GPC3: variants seen among roughly 807,000 people sequenced by gnomAD.
The protein encoded by GPC3 is glypican-3.
In GPC3, 3 loss-of-function variants were observed where a neutral mutation model predicts 34.4. The ratio of observed to expected loss-of-function variants is 0.09; its 90% CI spans 0.04 to 0.23. The LOEUF (loss-of-function observed/expected upper bound fraction) is 0.23, where lower values mean the gene tolerates loss of function less well. Ranked by LOEUF, GPC3 falls within the 10% of genes least tolerant of loss-of-function variation. The probability of loss-of-function intolerance (pLI) is 1.00; values close to 1 mark genes in which losing one functional copy is unlikely to be tolerated. For missense variants in GPC3, 351 were observed against 445.6 expected (o/e 0.79, Z 1.91); for synonymous variants, 177 against 174.0 (o/e 1.02, Z -0.13).
In GPC3 at chrX:133,893,853, G is replaced by A. The variant is rs181918592; in HGVS notation, c.337+59197C>T. Among the ~76,000 whole-genome samples the A allele has an allele frequency of 2.7e-5, 3 of 111,227 alleles. No individual in the cohort carries two copies. The East Asian group carries it at 8.5e-4, about 31-fold the overall frequency. Reference sequence around the variant, plus strand: ...TTTTGTTTGTTTTTTGTTTTGTTTTGCTTTGTTTTGTTTTTTGAGACAGGA... The same window carrying A: ...TTTTGTTTGTTTTTTGTTTTGTTTTACTTTGTTTTGTTTTTTGAGACAGGA... On this transcript the variant is annotated intron_variant, in intron 2 of 7. Transcript: ENST00000370818.
intron 6 of GPC3, among the ~76,000 whole-genome samples, chrX:133,608,506 T>C (rs2070072863): frequency 8.9e-6 from 1 of 112,098 alleles, no homozygotes; most frequent in Admixed American, 9.5e-5. Flanking sequence ...GATCTGAACA[T>C]TTACTATTGT....
chrX:133,958,784 G>A (rs988134924), intron 1 of GPC3, among the ~76,000 whole-genome samples: 11 of 105,587 alleles, frequency 1.0e-4, no homozygotes, highest in Admixed American at 8.1e-4. Flanking sequence ...TACTCCGGAG[G>A]TTGAGGCACG....
intron 2 of GPC3, among the ~76,000 whole-genome samples, chrX:133,863,322 C>T (rs2075947475): frequency 8.9e-6 from 1 of 111,960 alleles, no homozygotes; most frequent in Non-Finnish European, 1.9e-5. Flanking sequence ...AAGAACGATG[C>T]CATCTTTCTC....
chrX:133,562,476 C>T (rs954880551), intron 7 of GPC3, among the ~76,000 whole-genome samples: 1 of 110,179 alleles, frequency 9.1e-6, no homozygotes, highest in African/African-American at 3.3e-5. Flanking sequence ...ACCAAAAGTA[C>T]AAAAATTAGC....
chrX:133,753,518 C>G lies in GPC3; in HGVS notation c.996G>C (p.Gln332His). The G allele has an allele frequency of 8.3e-7, 1 of 1,210,510 alleles. No individual in the cohort carries two copies. Among genetic ancestry groups the G allele is most frequent in the Non-Finnish European group, 1.1e-6 (1 of 894,317 alleles). The change falls in exon 3 of 8, where the codon CAG (glutamine) becomes CAC (histidine). Residue 332 changes from glutamine (Q) to histidine (H), a missense_variant. Physicochemically the swap from Gln to His is conservative, Grantham distance 24. Transcript: ENST00000370818. The stretch of plus-strand genomic sequence containing the variant: ...GCTTTCCTGCATTCTTCTGGACATA[C>G]TGGATAGAATCATGGATTGTTGAAA... ...GLFSTIHDSI[Q>H]YVQKNAGKLT...
intron 7 of GPC3, among the ~76,000 whole-genome samples, chrX:133,567,778 A>G (rs1391283586): frequency 8.9e-6 from 1 of 112,190 alleles, no homozygotes; most frequent in African/African-American, 3.2e-5. Context: ...ATAAAAACTA[A>G]GGCCCACTTA....
chrX:133,607,176 G>C (rs2070059488), intron 6 of GPC3, among the ~76,000 whole-genome samples: 1 of 110,851 alleles, frequency 9.0e-6, no homozygotes. Flanking sequence ...TGAGAGTCGA[G>C]AGAGATGTGG....
intron 3 of GPC3, among the ~76,000 whole-genome samples, chrX:133,729,161 G>C (rs1480961533): frequency 9.0e-6 from 1 of 110,948 alleles, no homozygotes; most frequent in Non-Finnish European, 1.9e-5. Flanking sequence ...CTTCAGGGAA[G>C]GCAGTATAAC....
chrX:133,578,397 A>G (rs888350902), intron 7 of GPC3, among the ~76,000 whole-genome samples: 11 of 112,023 alleles, frequency 9.8e-5, no homozygotes, highest in Non-Finnish European at 2.1e-4. Context: ...CATGCTTACA[A>G]CCTTTCTCTG....
chrX:133,744,133 C>CCACAAAAACACAA (rs2071589622), intron 3 of GPC3, among the ~76,000 whole-genome samples: 1 of 111,880 alleles, frequency 8.9e-6, no homozygotes, highest in South Asian at 3.7e-4. Context: ...ACACCAAAAG[C>CCACAAAAACACAA]AATGACAACA....
intron 1 of GPC3, among the ~76,000 whole-genome samples, chrX:133,954,509 A>G (rs2076407584): frequency 9.2e-6 from 1 of 108,643 alleles, no homozygotes; most frequent in Non-Finnish European, 1.9e-5. Flanking sequence ...ATTTTTAAAA[A>G]GTAAAGTAAG....
At chrX:133,852,003 G>A (rs5975431) in intron 2 of GPC3, among the ~76,000 whole-genome samples, 7,912 of 111,349 alleles carry the variant, frequency 0.071, 735 homozygotes, top group African/African-American at 0.24. Flanking sequence ...AAAAACCATC[G>A]CTCATTTATG....
intron 2 of GPC3, among the ~76,000 whole-genome samples, chrX:133,862,726 A>G (rs955403390): frequency 9.0e-6 from 1 of 111,168 alleles, no homozygotes; most frequent in Non-Finnish European, 1.9e-5. Flanking sequence ...AATACTGACT[A>G]CACTTATCAC....
chrX:133,757,811 C>T (rs770820277), intron 2 of GPC3, among the ~76,000 whole-genome samples: 1 of 111,101 alleles, frequency 9.0e-6, no homozygotes, highest in Non-Finnish European at 1.9e-5. Flanking sequence ...GGTACCTTAA[C>T]GGAAGGAAGA....
At chrX:133,674,236 AT>A (rs1191219037) in intron 5 of GPC3, among the ~76,000 whole-genome samples, 2 of 111,042 alleles carry the variant, frequency 1.8e-5, no homozygotes. Flanking sequence ...TCTAAAAAAA[AT>A]AAAAAAGAGC....
At chrX:133,628,580 C>T (rs773180660) in intron 6 of GPC3, among the ~76,000 whole-genome samples, 2 of 108,460 alleles carry the variant, frequency 1.8e-5, no homozygotes, top group South Asian at 4.1e-4. Flanking sequence ...CACTTGAACC[C>T]GGGAGGTGGA....
intron 2 of GPC3, among the ~76,000 whole-genome samples, chrX:133,812,928 C>A (rs2075672370): frequency 8.9e-6 from 1 of 112,280 alleles, no homozygotes; most frequent in South Asian, 3.7e-4. Context: ...GTCAGTGCTA[C>A]CTGTTTAAGG....
intron 2 of GPC3, among the ~76,000 whole-genome samples, chrX:133,889,009 C>T (rs1198692415): frequency 3.6e-5 from 4 of 112,271 alleles, no homozygotes; most frequent in Non-Finnish European, 7.5e-5. Context: ...ATACACAAAT[C>T]TCACTTATGA....
intron 2 of GPC3, among the ~76,000 whole-genome samples, chrX:133,794,494 C>G (rs1381171038): frequency 2.7e-5 from 3 of 111,749 alleles, no homozygotes; most frequent in Non-Finnish European, 5.6e-5. Flanking sequence ...CCTTTTTAGC[C>G]TCAAAGGCAC....
Sources: gnomAD v4.1 joint callset for allele counts (sites outside exome capture counted in the v4.1 genomes callset) on GRCh38, gnomAD v4.1.1 for gene constraint, MANE v1.5 for transcripts, NCBI Gene and HGNC (gene_info 2026-07-23, HGNC 2026-07-21) for gene names.